Variants in C17orf50 observed in about 807,000 individuals in gnomAD.
The protein encoded by C17orf50 is uncharacterized protein C17orf50.
A neutral mutation model predicts 17.7 loss-of-function variants in C17orf50; 16 were observed. The observed-to-expected ratio is 0.90, with a 90% CI of 0.61 to 1.37. The LOEUF is 1.37. Among genes scored for constraint, C17orf50 ranks in the 40% most tolerant of loss-of-function variants. C17orf50 has a pLI of 0.00. For synonymous variants in C17orf50, 125 were observed against 111.0 expected (o/e 1.13, Z -0.80); for missense variants, 271 against 240.7 (o/e 1.13, Z -0.83).
At position 35,764,099 on chromosome 17, in the gene C17orf50, G is replaced by A. The variant is rs2085882577; in HGVS notation, c.106G>A (p.Asp36Asn). ...AGGGAAGGAGGGGTCGGAGGACGAGGACGAGGACAACCAGAGGCCGCTGGA... is the reference window on the plus strand; with the variant it reads ...AGGGAAGGAGGGGTCGGAGGACGAGAACGAGGACAACCAGAGGCCGCTGGA... ...EEGKEGSEDE[D>N]EDNQRPLEDS... is the part of the protein sequence containing the mutation. Residue 36 changes from aspartate (D) to asparagine (N), a missense_variant, in exon 2 of 3, where the codon GAC (aspartate) becomes AAC (asparagine). Coordinates refer to ENST00000605587, the MANE Select transcript of C17orf50 (RefSeq NM_145272.4). 1.3e-6 allele frequency: 2 copies of A among 1,550,292 alleles called. No homozygotes were observed. Among genetic ancestry groups the A allele is most frequent in the South Asian group, 2.4e-5 (2 of 84,026 alleles).
intron 1 of C17orf50, among the ~76,000 whole-genome samples, chr17:35,761,328 C>T (rs1405134946): frequency 1.3e-5 from 2 of 151,662 alleles, no homozygotes; most frequent in Non-Finnish European, 2.9e-5. Context: ...CCAGGCTGGT[C>T]GCGAACTCCT....
At position 35,764,325 on chromosome 17, in the gene C17orf50, G is replaced by C. The variant is rs2085889803; in HGVS notation, c.332G>C (p.Arg111Thr). 4 of 1,472,520 alleles carry C rather than the reference G, an allele frequency of 2.7e-6. No homozygotes were observed. In the South Asian group the frequency reaches 4.1e-5, roughly 15 times the overall value. The allele number at this position is 1,472,520 out of a possible 1,614,324, so 91.2% of individuals were successfully genotyped here. Residue 111 changes from arginine to threonine, a missense_variant and splice_region_variant, in exon 2 of 3, where the codon AGG (arginine) becomes ACG (threonine). Coordinates refer to ENST00000605587, the MANE Select transcript of C17orf50 (RefSeq NM_145272.4). ...LLGGLTAPTD[R>T]KRSLPEEPCV... ...GGCGGCCTAACAGCTCCCACCGACA[G>C]GTGCCTGCGCGCTCCTCGACCGGGG...
Position 35,764,057 on chromosome 17 carries a change from G to A in C17orf50, c.64G>A (p.Asp22Asn), listed in dbSNP as rs1179299013. ...KKETEELRAE[D>N]AEQEEGKEGS... ...GGAAACGGAAGAGCTCCGGGCCGAG[G>A]ACGCGGAGCAAGAGGAAGGGAAGGA... is the stretch of plus-strand genomic sequence containing the variant. The change falls in exon 2 of 3, where the codon GAC (aspartate) becomes AAC (asparagine). Residue 22 changes from aspartate to asparagine, a missense_variant. Transcript: ENST00000605587. 6.5e-7 allele frequency: 1 copy of A among 1,549,856 alleles called. No individual in the cohort carries two copies. Among genetic ancestry groups the A allele is most frequent in the African/African-American group, 1.4e-5 (1 of 73,136 alleles).
chr17:35,762,852 G>A (rs587708946), intron 1 of C17orf50, among the ~76,000 whole-genome samples: 2 of 152,228 alleles, frequency 1.3e-5, no homozygotes, highest in African/African-American at 4.8e-5. Flanking sequence ...GTGGCCAGGC[G>A]CGGTGGCTCA....
rs891023689 is a variant in C17orf50 at position 35,764,137 on chromosome 17, G to A, written c.144G>A (p.Thr48=). The change falls in exon 2 of 3, where the codon ACG becomes ACA. Residue 48 remains threonine, a synonymous_variant. Transcript: ENST00000605587. The part of the protein sequence containing the change: ...DNQRPLEDSA[T]EGEEPPRVAE... ...AGAGGCCGCTGGAGGACAGCGCGAC[G>A]GAGGGCGAGGAGCCGCCGCGGGTAG... 4 of 1,549,312 alleles carry A rather than the reference G, an allele frequency of 2.6e-6. 1 individual carries two copies. The African/African-American group carries it at 5.5e-5, about 21-fold the overall frequency.
chr17:35,761,996 T>C (rs1470271446), intron 1 of C17orf50, among the ~76,000 whole-genome samples: 11 of 152,052 alleles, frequency 7.2e-5, no homozygotes, highest in Non-Finnish European at 1.2e-4. Flanking sequence ...TTCTTTCTTT[T>C]TTTCTTTTTT....
chr17:35,763,927 AATAAATAAATAC>A (rs2085877320), intron 1 of C17orf50, 68 bp from the exon 2 acceptor site: 5 of 1,001,314 alleles, frequency 5.0e-6, no homozygotes, highest in Middle Eastern at 3.3e-4. Flanking sequence ...TAAATAAATA[AATAAATAAATAC>A]ATGAAAAATT....
At chr17:35,763,938 A>AAATAAATAAATAAATAAATG (rs1568121389) in intron 1 of C17orf50, 69 bp from the exon 2 acceptor site, 4 of 1,077,316 alleles carry the variant, frequency 3.7e-6, no homozygotes, top group Non-Finnish European at 1.2e-6. Flanking sequence ...ATAAATAAAT[A>AAATAAATAAATAAATAAATG]CATGAAAAAT....
intron 1 of C17orf50, among the ~76,000 whole-genome samples, chr17:35,762,947 C>T (rs2085851072): frequency 6.6e-6 from 1 of 152,028 alleles, no homozygotes; most frequent in African/African-American, 2.4e-5. Flanking sequence ...ATGGTGAAAC[C>T]TGGTCTCTAC....
In C17orf50 at chr17:35,764,328, G is replaced by A; in HGVS notation, c.332+3G>A. 6.8e-7 allele frequency: 1 copy of A among 1,469,790 alleles called. No homozygotes were observed. Among genetic ancestry groups the A allele is most frequent in the East Asian group, 2.6e-5 (1 of 37,938 alleles). 91.0% of individuals were successfully genotyped at this position (1,469,790 alleles called of 1,614,324 possible). On this transcript the variant is annotated splice_donor_region_variant and intron_variant, in intron 2 of 2. Transcript: ENST00000605587. The stretch of plus-strand genomic sequence containing the variant: ...GGCCTAACAGCTCCCACCGACAGGT[G>A]CCTGCGCGCTCCTCGACCGGGGCAC...
chr17:35,764,527 G>C lies in C17orf50; in HGVS notation c.434G>C (p.Cys145Ser). ...TGCGAGCTCCTCTTCTGCAAGAAAT[G>C]CAGGAGTCTGCACAGCCACCCAGCC... ...ACCELLFCKK[C>S]RSLHSHPAYV... Residue 145 changes from cysteine to serine, a missense_variant, in exon 3 of 3, where the codon TGC becomes TCC. Transcript: ENST00000605587. The C allele has an allele frequency of 6.3e-7, 1 of 1,599,998 alleles. No homozygotes were observed. The highest frequency in any genetic ancestry group is 8.5e-7 in the Non-Finnish European group (1 of 1,175,784).
chr17:35,764,174 G>A lies in C17orf50; in HGVS notation c.181G>A (p.Glu61Lys). The A allele has an allele frequency of 6.5e-7, 1 of 1,548,482 alleles. No homozygotes were observed. Among genetic ancestry groups the A allele is most frequent in the Non-Finnish European group, 8.7e-7 (1 of 1,146,674 alleles). Residue 61 changes from glutamate (E) to lysine (K), a missense_variant, in exon 2 of 3, where the codon GAA (glutamate) becomes AAA (lysine). Glu to Lys is a moderately conservative substitution (Grantham distance 56, BLOSUM62 1). Coordinates refer to ENST00000605587, the MANE Select transcript of C17orf50 (RefSeq NM_145272.4). Reference sequence around the variant, plus strand: ...GCCGCCGCGGGTAGCGGAGGAGGGCGAAGGCCGCGAGCGGCGCTCAGTGTC... The same window carrying A: ...GCCGCCGCGGGTAGCGGAGGAGGGCAAAGGCCGCGAGCGGCGCTCAGTGTC... The part of the protein sequence containing the change: ...EEPPRVAEEG[E>K]GRERRSVSYC...
At position 35,764,177 on chromosome 17, in the gene C17orf50, G is replaced by A; in HGVS notation, c.184G>A (p.Gly62Ser). 1.3e-6 allele frequency: 2 copies of A among 1,548,386 alleles called. No homozygotes were observed. The highest frequency in any genetic ancestry group is 1.7e-6 in the Non-Finnish European group (2 of 1,146,662). The change falls in exon 2 of 3, where the codon GGC (glycine) becomes AGC (serine). Residue 62 changes from glycine (G) to serine (S), a missense_variant. Gly to Ser is a moderately conservative substitution (Grantham distance 56). Transcript: ENST00000605587. ...EPPRVAEEGE[G>S]RERRSVSYCP... is the part of the protein sequence containing the mutation. ...GCCGCGGGTAGCGGAGGAGGGCGAA[G>A]GCCGCGAGCGGCGCTCAGTGTCCTA...
At position 35,760,971 on chromosome 17, in the gene C17orf50, G is replaced by C. The variant is rs782010235; in HGVS notation, c.13+17G>C. On this transcript the variant is annotated intron_variant, in intron 1 of 2. Transcript: ENST00000605587. Reference sequence around the variant, plus strand: ...ATAAGCATGGTGAGTGGGGCTGGAGGCAGGGTGGGGCTGGAGGACAGGACC... The same window carrying C: ...ATAAGCATGGTGAGTGGGGCTGGAGCCAGGGTGGGGCTGGAGGACAGGACC... 8 of 1,611,042 alleles carry C rather than the reference G, an allele frequency of 5.0e-6. No individual in the cohort carries two copies. The Admixed American group carries it at 6.7e-5, about 13-fold the overall frequency.
In C17orf50 at chr17:35,764,601, G is replaced by A. The variant is rs782088131; in HGVS notation, c.508G>A (p.Ala170Thr). 4 of 1,586,068 alleles carry A rather than the reference G, an allele frequency of 2.5e-6. No individual in the cohort carries two copies. Among genetic ancestry groups the A allele is most frequent in the Non-Finnish European group, 3.4e-6 (4 of 1,170,192 alleles). The change falls in exon 3 of 3, where the codon GCC (alanine) becomes ACC (threonine). Residue 170 changes from alanine (A) to threonine (T), a missense_variant. By Grantham distance (58) the Ala-to-Thr change is moderately conservative (BLOSUM62 0). Coordinates refer to ENST00000605587, the MANE Select transcript of C17orf50 (RefSeq NM_145272.4). ...TCACCCGGATCTGGGTAAGGCGGGG[G>A]CCGCTGGGAACTCCTGAGCGCCCCC... ...LDHPDLGKAG[A>T]AGNS
chr17:35,762,556 G>C (rs587687138), intron 1 of C17orf50, among the ~76,000 whole-genome samples: 16 of 152,326 alleles, frequency 1.1e-4, no homozygotes, highest in Admixed American at 3.3e-4. Context: ...AGAGGGGACA[G>C]TGGTGGCTGA....
At chr17:35,762,013 G>C (rs587726479) in intron 1 of C17orf50, among the ~76,000 whole-genome samples, 1 of 151,664 alleles carries the variant, frequency 6.6e-6, no homozygotes, top group Admixed American at 6.6e-5. Context: ...TTTTTGAGAC[G>C]GAGTTTTGCT....
Position 35,764,174 on chromosome 17 carries a change from G to T in C17orf50, c.181G>T (p.Glu61Ter). ...EEPPRVAEEG[E>*]GRERRSVSYC... ...GCCGCCGCGGGTAGCGGAGGAGGGC[G>T]AAGGCCGCGAGCGGCGCTCAGTGTC... Residue 61 changes from glutamate to a stop codon, truncating the protein, a stop_gained, in exon 2 of 3, where the codon GAA becomes TAA. Transcript: ENST00000605587. LOFTEE classifies it high-confidence loss of function. 6.5e-7 allele frequency: 1 copy of T among 1,548,482 alleles called. No individual in the cohort carries two copies. The highest frequency in any genetic ancestry group is 8.7e-7 in the Non-Finnish European group (1 of 1,146,674).
At chr17:35,762,343 G>T (rs782157212) in intron 1 of C17orf50, among the ~76,000 whole-genome samples, 1 of 152,148 alleles carries the variant, frequency 6.6e-6, no homozygotes, top group African/African-American at 2.4e-5. Flanking sequence ...TGTCTTCCCT[G>T]CCTTCCTCCC....
Sources: gnomAD v4.1 joint callset for allele counts (sites outside exome capture counted in the v4.1 genomes callset) on GRCh38, gnomAD v4.1.1 for gene constraint, MANE v1.5 for transcripts, NCBI Gene and HGNC (gene_info 2026-07-23, HGNC 2026-07-21) for gene names.